CMIP: variants seen among roughly 807,000 people sequenced by gnomAD.
CMIP encodes c-Maf inducing protein.
In CMIP, 13 loss-of-function variants were observed where a neutral mutation model predicts 97.3. The ratio of observed to expected loss-of-function variants is 0.13; its 90% CI spans 0.09 to 0.21. The LOEUF (loss-of-function observed/expected upper bound fraction) is 0.21, where lower values mean the gene tolerates loss of function less well. CMIP is among the 10% of genes least tolerant of loss of function. The pLI is 1.00. For missense variants in CMIP, 847 were observed against 1,024.9 expected (o/e 0.83, Z 2.37); for synonymous variants, 538 against 436.3 (o/e 1.23, Z -2.91).
At chr16:81,605,496 C>A (rs1597138667) in intron 1 of CMIP, among the ~76,000 whole-genome samples, 1 of 152,330 alleles carries the variant, frequency 6.6e-6, no homozygotes, top group East Asian at 1.9e-4. Flanking sequence ...TGAACCTTGG[C>A]TAAAGCTCCT....
rs1567656330 is a variant in CMIP, at chr16:81,678,505, A to G, written c.1265A>G (p.Asn422Ser). The G allele has an allele frequency of 1.9e-6, 3 of 1,601,362 alleles. No individual in the cohort carries two copies. The highest frequency in any genetic ancestry group is 1.3e-5 in the African/African-American group (1 of 74,744). Residue 422 changes from asparagine to serine, a missense_variant, in exon 10 of 21, where the codon AAC becomes AGC. Transcript: ENST00000537098. ...CCGGCGCTGACGGCCAGCGCAGGCAACGACAGCGAGCCCAACCTCATCGAC... is the reference window on the plus strand; with the variant it reads ...CCGGCGCTGACGGCCAGCGCAGGCAGCGACAGCGAGCCCAACCTCATCGAC... ...AKPALTASAG[N>S]DSEPNLIDCL...
At chr16:81,486,718 C>T (rs1597467939) in intron 1 of CMIP, among the ~76,000 whole-genome samples, 1 of 152,372 alleles carries the variant, frequency 6.6e-6, no homozygotes, top group South Asian at 2.1e-4. Flanking sequence ...CTCTTAACTC[C>T]CTAAGCGAAT....
At chr16:81,610,645 C>T (rs529780446) in intron 2 of CMIP, 10 of 507,420 alleles carry the variant, frequency 2.0e-5, no homozygotes, top group East Asian at 1.5e-4. Context: ...CCCTCTCATC[C>T]TCACCCCCAC....
intron 7 of CMIP, among the ~76,000 whole-genome samples, chr16:81,669,901 C>G (rs1175052200): frequency 6.6e-6 from 1 of 152,216 alleles, no homozygotes; most frequent in African/African-American, 2.4e-5. Flanking sequence ...GTGGCTTTCT[C>G]TACAGCCAGA....
intron 2 of CMIP, chr16:81,620,321 C>T (rs961471180): frequency 6.5e-6 from 1 of 152,948 alleles, no homozygotes; most frequent in Admixed American, 6.5e-5. Context: ...AATGCCCAGA[C>T]TTGGAAGCCA....
chr16:81,528,002 C>G (rs1329230052), intron 1 of CMIP, among the ~76,000 whole-genome samples: 2 of 152,158 alleles, frequency 1.3e-5, no homozygotes, highest in Non-Finnish European at 2.9e-5. Context: ...AGAAAACCAA[C>G]CTGTTTTCCA....
chr16:81,500,990 T>C lies in CMIP; in HGVS notation c.300+55449T>C, dbSNP rs144275051. Reference sequence around the variant, plus strand: ...TGCGCAGGTGCCCTCTGCCAATTGGTTAGCAAGTTTTTACGAGCAAATCTG... The same window carrying C: ...TGCGCAGGTGCCCTCTGCCAATTGGCTAGCAAGTTTTTACGAGCAAATCTG... On this transcript the variant is annotated intron_variant, in intron 1 of 20. Coordinates refer to ENST00000537098, the MANE Select transcript of CMIP (RefSeq NM_198390.3). Among the ~76,000 whole-genome samples the C allele has an allele frequency of 8.1e-3, 1,241 of 152,314 alleles. 8 individuals carry two copies. The highest frequency in any genetic ancestry group is 0.048 in the Middle Eastern group (14 of 294).
chr16:81,623,722 T>A (rs1230262458), intron 3 of CMIP, among the ~76,000 whole-genome samples: 1 of 152,208 alleles, frequency 6.6e-6, no homozygotes, highest in Non-Finnish European at 1.5e-5. Flanking sequence ...CTAGCCAAAT[T>A]AGCTGGGAAA....
At chr16:81,611,148 C>G (rs2091825346) in intron 2 of CMIP, among the ~76,000 whole-genome samples, 1 of 152,222 alleles carries the variant, frequency 6.6e-6, no homozygotes, top group Admixed American at 6.5e-5. Context: ...GTCCCGTTAG[C>G]TACACCTCCA....
At chr16:81,659,473 T>C (rs940818288) in intron 5 of CMIP, among the ~76,000 whole-genome samples, 1 of 152,068 alleles carries the variant, frequency 6.6e-6, no homozygotes, top group African/African-American at 2.4e-5. Flanking sequence ...AAAGGATAGA[T>C]AGGAGAATGT....
intron 1 of CMIP, among the ~76,000 whole-genome samples, chr16:81,537,254 G>C (rs1455678383): frequency 2.0e-5 from 3 of 152,144 alleles, no homozygotes; most frequent in African/African-American, 7.2e-5. Flanking sequence ...CCCCATATAG[G>C]CTGGGGGCGG....
In CMIP at chr16:81,607,570, A is replaced by G. The variant is rs372634544; in HGVS notation, c.304A>G (p.Thr102Ala). ...ADNSLASATP[T>A]GYMENSVSYS... The stretch of plus-strand genomic sequence containing the variant: ...TCTTTTTCTTTTTTTGCTGCAGCCA[A>G]CTGGGTACATGGAAAACTCAGTCTC... The change falls in exon 2 of 21, where the codon ACT becomes GCT. Residue 102 changes from threonine (T) to alanine (A), a missense_variant. This residue lies in a region of CMIP where 285 missense variants were observed against 392.2 expected (regional missense o/e 0.73). Coordinates refer to ENST00000537098, the MANE Select transcript of CMIP (RefSeq NM_198390.3). The G allele has an allele frequency of 8.1e-6, 13 of 1,613,716 alleles. No homozygotes were observed. Among genetic ancestry groups the G allele is most frequent in the Non-Finnish European group, 1.1e-5 (13 of 1,179,880 alleles).
chr16:81,536,753 C>CT (rs796637063), intron 1 of CMIP, among the ~76,000 whole-genome samples: 99 of 149,812 alleles, frequency 6.6e-4, no homozygotes, highest in Admixed American at 2.0e-3. Flanking sequence ...CACTGCTTGT[C>CT]TTTTTTTTTT....
intron 1 of CMIP, among the ~76,000 whole-genome samples, chr16:81,480,776 T>C (rs1297247032): frequency 6.6e-6 from 1 of 152,228 alleles, no homozygotes; most frequent in African/African-American, 2.4e-5. Flanking sequence ...GCAAGGGGAC[T>C]GTTATGATGA....
At chr16:81,582,390 T>C (rs1388893299) in intron 1 of CMIP, among the ~76,000 whole-genome samples, 1 of 152,142 alleles carries the variant, frequency 6.6e-6, no homozygotes, top group Admixed American at 6.5e-5. Flanking sequence ...AAGCCACTTA[T>C]CAGACTGAGC....
At chr16:81,549,759 C>T (rs1041403008) in intron 1 of CMIP, among the ~76,000 whole-genome samples, 1 of 152,224 alleles carries the variant, frequency 6.6e-6, no homozygotes, top group Non-Finnish European at 1.5e-5. Context: ...GGTGCCCCAG[C>T]AGGGCACAGG....
chr16:81,705,250 G>A (rs1276521133), intron 18 of CMIP, among the ~76,000 whole-genome samples: 1 of 152,222 alleles, frequency 6.6e-6, no homozygotes, highest in Non-Finnish European at 1.5e-5. Flanking sequence ...CCTTCATGGA[G>A]GCAAAACTGA....
intron 1 of CMIP, among the ~76,000 whole-genome samples, chr16:81,541,448 C>G (rs138055145): frequency 5.3e-4 from 81 of 152,326 alleles, no homozygotes; most frequent in Non-Finnish European, 9.8e-4. Context: ...TCTAACCACT[C>G]CAGCCCCTGA....
At chr16:81,536,583 A>G (rs2090347466) in intron 1 of CMIP, among the ~76,000 whole-genome samples, 5 of 152,190 alleles carry the variant, frequency 3.3e-5, no homozygotes, top group Admixed American at 2.6e-4. Context: ...CCTTCTTTCT[A>G]TAAATGCAGA....
Sources: gnomAD v4.1 joint callset for allele counts (sites outside exome capture counted in the v4.1 genomes callset) on GRCh38, gnomAD v4.1.1 for gene constraint, gnomAD v4.1.1 regional missense constraint, MANE v1.5 for transcripts, NCBI Gene and HGNC (gene_info 2026-07-23, HGNC 2026-07-21) for gene names.